The following FMO3 variants were observed in gnomAD, a reference collection of about 807,000 sequenced individuals.
FMO3 encodes flavin containing dimethylaniline monoxygenase 3.
Under a neutral mutation model 39.4 loss-of-function variants are expected in FMO3, and 40 were observed. The ratio of observed to expected loss-of-function variants is 1.02; its 90% CI spans 0.79 to 1.32. The LOEUF (loss-of-function observed/expected upper bound fraction) is 1.32, where lower values mean the gene tolerates loss of function less well. Ranked by LOEUF, FMO3 falls within the 40% of genes most tolerant of loss-of-function variation. FMO3 has a pLI of 0.00. For synonymous variants in FMO3, 219 were observed against 228.8 expected (o/e 0.96, Z 0.39); for missense variants, 680 against 651.8 (o/e 1.04, Z -0.47).
chr1:171,094,154 T>G (rs531918896), intron 2 of FMO3, among the ~76,000 whole-genome samples: 1 of 152,248 alleles, frequency 6.6e-6, no homozygotes, highest in South Asian at 2.1e-4. Flanking sequence ...TAATAGCCAT[T>G]CTGACTGGTG....
At chr1:171,095,492 T>C (rs80274807) in intron 2 of FMO3, among the ~76,000 whole-genome samples, 68 of 151,950 alleles carry the variant, frequency 4.5e-4, no homozygotes, top group African/African-American at 1.5e-3. Flanking sequence ...CATTAATATA[T>C]ATGCAAATTT....
At chr1:171,096,612 A>G (rs1467209426) in intron 2 of FMO3, among the ~76,000 whole-genome samples, 2 of 125,190 alleles carry the variant, frequency 1.6e-5, no homozygotes, top group African/African-American at 6.2e-5. Flanking sequence ...TTTATATATT[A>G]AATACATAAT....
At chr1:171,106,389 C>T (rs982215405) in intron 3 of FMO3, among the ~76,000 whole-genome samples, 28 of 152,132 alleles carry the variant, frequency 1.8e-4, no homozygotes, top group Admixed American at 3.9e-4. Flanking sequence ...ATCTACCTGC[C>T]TCACCCTCCC....
intron 2 of FMO3, among the ~76,000 whole-genome samples, chr1:171,097,527 T>C (rs1431072188): frequency 1.6e-5 from 2 of 127,122 alleles, no homozygotes; most frequent in Non-Finnish European, 3.2e-5. Context: ...TGATTTGCAT[T>C]TCTCTGATGG....
In FMO3 at chr1:171,110,446, A is replaced by G. The variant is rs28363564; in HGVS notation, c.628-352A>G. On this transcript the variant is annotated intron_variant, in intron 5 of 8. Transcript: ENST00000367755. The stretch of plus-strand genomic sequence containing the variant: ...GTAAAGTTCAGACGTTTATTTGGGA[A>G]CACTCTCAGGATCAATACTTCCACA... 5.2e-3 allele frequency among the ~76,000 whole-genome samples: 796 copies of G among 152,216 alleles called. 7 individuals carry two copies. The highest frequency in any genetic ancestry group is 0.017 in the African/African-American group (708 of 41,532).
rs544064999 is a variant in FMO3, at chr1:171,098,666, C to T, written c.133-5119C>T. Among the ~76,000 whole-genome samples the T allele has an allele frequency of 2.0e-4, 30 of 152,298 alleles. No homozygotes were observed. The South Asian group carries it at 4.8e-3, about 24-fold the overall frequency. On this transcript the variant is annotated intron_variant, in intron 2 of 8. Transcript: ENST00000367755. Reference sequence around the variant, plus strand: ...CTATCCTGAGATTTTGCTGAAGTAGCTTATCAGCTTAAGGAGATTTTGGGC... The same window carrying T: ...CTATCCTGAGATTTTGCTGAAGTAGTTTATCAGCTTAAGGAGATTTTGGGC...
In FMO3 at chr1:171,117,479, A is replaced by G; in HGVS notation, c.*37A>G. ...TCTAGGATTTCTGAAAGTTACTGAC[A>G]ATACCCAGACAGGGGCTTTGCTATT... On this transcript the variant is annotated 3_prime_UTR_variant, in exon 9 of 9. Coordinates refer to ENST00000367755, the MANE Select transcript of FMO3 (RefSeq NM_001002294.3). 4 of 1,550,112 alleles carry G rather than the reference A, an allele frequency of 2.6e-6. No homozygotes were observed. The highest frequency in any genetic ancestry group is 3.6e-6 in the Non-Finnish European group (4 of 1,125,898).
intron 2 of FMO3, chr1:171,100,542 TCA>T (rs1571209626): frequency 1.3e-5 from 2 of 152,486 alleles, no homozygotes. Context: ...TTTCACAGGT[TCA>T]CAGATAGAAA....
intron 3 of FMO3, among the ~76,000 whole-genome samples, chr1:171,106,779 A>C (rs573240441): frequency 6.6e-6 from 1 of 152,282 alleles, no homozygotes; most frequent in East Asian, 1.9e-4. Flanking sequence ...GTGGTATATA[A>C]GATCAATATA....
intron 2 of FMO3, among the ~76,000 whole-genome samples, chr1:171,097,725 C>A (rs1268676295): frequency 6.6e-6 from 1 of 150,638 alleles, no homozygotes; most frequent in Non-Finnish European, 1.5e-5. Flanking sequence ...CGAAAATTTT[C>A]TCCCATTTTA....
At chr1:171,096,030 A>ATATTATATAT (rs1654985060) in intron 2 of FMO3, among the ~76,000 whole-genome samples, 6 of 60,002 alleles carry the variant, frequency 1.0e-4, no homozygotes, top group East Asian at 5.2e-4. Flanking sequence ...ATATTAATAT[A>ATATTATATAT]TAATATATAT....
intron 6 of FMO3, among the ~76,000 whole-genome samples, chr1:171,112,090 G>A (rs537643907): frequency 6.6e-6 from 1 of 152,258 alleles, no homozygotes; most frequent in East Asian, 1.9e-4. Flanking sequence ...CACAGCCAGG[G>A]CATTTACGGG....
intron 2 of FMO3, among the ~76,000 whole-genome samples, chr1:171,096,216 A>G (rs1437236950): frequency 3.2e-5 from 2 of 62,514 alleles, no homozygotes; most frequent in African/African-American, 2.1e-4. Context: ...TAATATTTAT[A>G]TATAAATACA....
intron 3 of FMO3, among the ~76,000 whole-genome samples, chr1:171,105,631 A>T (rs1052604610): frequency 7.0e-5 from 10 of 142,006 alleles, no homozygotes; most frequent in Non-Finnish European, 1.4e-4. Context: ...AAAGTATAAT[A>T]AAAAAAAAAG....
At chr1:171,093,812 C>T (rs536154269) in intron 2 of FMO3, among the ~76,000 whole-genome samples, 1 of 147,196 alleles carries the variant, frequency 6.8e-6, no homozygotes, top group East Asian at 2.1e-4. Context: ...CTTTTCTCCA[C>T]ATACTCACTA....
chr1:171,113,344 C>T (rs923322706), intron 6 of FMO3, among the ~76,000 whole-genome samples: 3 of 152,170 alleles, frequency 2.0e-5, no homozygotes, highest in African/African-American at 7.2e-5. Flanking sequence ...GGTGCTCCCT[C>T]CTTCACCTGA....
chr1:171,093,248 G>T (rs1654798700), intron 2 of FMO3, among the ~76,000 whole-genome samples: 1 of 151,862 alleles, frequency 6.6e-6, no homozygotes, highest in Non-Finnish European at 1.5e-5. Flanking sequence ...CACCCATTAA[G>T]TAATTTCTCA....
At position 171,096,477 on chromosome 1, in the gene FMO3, T is replaced by A. The variant is rs1401502069; in HGVS notation, c.132+3687T>A. Among the ~76,000 whole-genome samples the A allele has an allele frequency of 3.7e-4, 38 of 103,096 alleles. 2 individuals carry two copies. Among genetic ancestry groups the A allele is most frequent in the Non-Finnish European group, 4.9e-4 (29 of 59,142 alleles). 67.6% of individuals were successfully genotyped at this position (103,096 alleles called of 152,430 possible). A position where few individuals can be genotyped will look rare whatever the true frequency, so the allele number is the denominator to read the frequency against. ...AATATATATTAAATACATAATATAT[T>A]TTATATATTAAATACATAATATACT... On this transcript the variant is annotated intron_variant, in intron 2 of 8. Coordinates refer to ENST00000367755, the MANE Select transcript of FMO3 (RefSeq NM_001002294.3).
Position 171,117,488 on chromosome 1 carries a change from A to G in FMO3, c.*46A>G. ...TCTGAAAGTTACTGACAATACCCAG[A>G]CAGGGGCTTTGCTATTTAAAAATTA... On this transcript the variant is annotated 3_prime_UTR_variant, in exon 9 of 9. Transcript: ENST00000367755. 1 of 1,502,924 alleles carries G rather than the reference A, an allele frequency of 6.7e-7. No individual in the cohort carries two copies. Among genetic ancestry groups the G allele is most frequent in the South Asian group, 1.1e-5 (1 of 87,610 alleles). 93.1% of individuals were successfully genotyped at this position (1,502,924 alleles called of 1,614,324 possible).
Sources: gnomAD v4.1 joint callset for allele counts (sites outside exome capture counted in the v4.1 genomes callset) on GRCh38, gnomAD v4.1.1 for gene constraint, MANE v1.5 for transcripts, NCBI Gene and HGNC (gene_info 2026-07-23, HGNC 2026-07-21) for gene names.